Variants in ADAM7 observed in about 807,000 individuals in gnomAD.
ADAM7 encodes the protein ADAM metallopeptidase domain 7.
Under a neutral mutation model 102.9 loss-of-function variants are expected in ADAM7, and 97 were observed. That is an observed-to-expected ratio of 0.94 (90% CI 0.80 to 1.12). ADAM7 has a LOEUF of 1.12. Ranked by LOEUF, ADAM7 falls within the 50% of genes most tolerant of loss-of-function variation. The probability of loss-of-function intolerance (pLI) is 0.00; values close to 1 mark genes in which losing one functional copy is unlikely to be tolerated. For missense variants in ADAM7, 991 were observed against 908.7 expected (o/e 1.09, Z -1.16); for synonymous variants, 334 against 304.4 (o/e 1.10, Z -1.01).
chr8:24,458,780 A>G (rs1158718203), intron 3 of ADAM7, among the ~76,000 whole-genome samples: 1 of 152,126 alleles, frequency 6.6e-6, no homozygotes, highest in Non-Finnish European at 1.5e-5. Context: ...GTACCTGTAG[A>G]TTTGTCATTG....
At chr8:24,463,050 G>C (rs12541522) in intron 3 of ADAM7, among the ~76,000 whole-genome samples, 98,185 of 151,978 alleles carry the variant, frequency 0.65, 32,187 homozygotes, top group Middle Eastern at 0.7. Context: ...GGCCAATATA[G>C]CCTCGAATGC....
intron 3 of ADAM7, among the ~76,000 whole-genome samples, chr8:24,449,588 A>G (rs1264985972): frequency 6.6e-6 from 1 of 152,018 alleles, no homozygotes; most frequent in Non-Finnish European, 1.5e-5. Context: ...ATTTTCTCCC[A>G]TTTTGTAGGT....
intron 16 of ADAM7, among the ~76,000 whole-genome samples, chr8:24,496,670 G>A (rs1246961656): frequency 1.3e-5 from 2 of 152,204 alleles, no homozygotes; most frequent in East Asian, 3.9e-4. Flanking sequence ...CTGCCCTGCT[G>A]GATTCAGACT....
intron 20 of ADAM7, chr8:24,506,174 T>C: frequency 6.5e-7 from 1 of 1,533,824 alleles, no homozygotes; most frequent in Non-Finnish European, 8.8e-7. Flanking sequence ...CCCCTCCCCT[T>C]CCTCTTGGTG....
Position 24,493,147 on chromosome 8 carries a change from T to G in ADAM7, c.1760T>G (p.Val587Gly), listed in dbSNP as rs772365215. The G allele has an allele frequency of 6.2e-7, 1 of 1,613,450 alleles. No homozygotes were observed. The highest frequency in any genetic ancestry group is 8.5e-7 in the Non-Finnish European group (1 of 1,179,666). The change falls in exon 16 of 22, where the codon GTC (valine) becomes GGC (glycine). Residue 587 changes from valine to glycine, a missense_variant. Physicochemically the swap from Val to Gly is moderately radical, Grantham distance 109 (BLOSUM62 -3). Transcript: ENST00000175238. Reference sequence around the variant, plus strand: ...AAGGATCCCCAGAAGAATGCTACTGTCAAATGCAAAACTATTTTTTTATAC... The same window carrying G: ...AAGGATCCCCAGAAGAATGCTACTGGCAAATGCAAAACTATTTTTTTATAC... The part of the protein sequence containing the change: ...HLKDPQKNAT[V>G]KCKTIFLYHD...
chr8:24,479,072 T>C (rs905916942), intron 8 of ADAM7, among the ~76,000 whole-genome samples: 1 of 152,098 alleles, frequency 6.6e-6, no homozygotes, highest in Non-Finnish European at 1.5e-5. Flanking sequence ...TTTAGGCTTT[T>C]ATTGAGAGCC....
At chr8:24,470,783 A>C (rs1229397629) in intron 7 of ADAM7, among the ~76,000 whole-genome samples, 1 of 152,236 alleles carries the variant, frequency 6.6e-6, no homozygotes, top group Non-Finnish European at 1.5e-5. Context: ...GCTTGATAAT[A>C]ATAAAAAACA....
chr8:24,481,341 T>C (rs1819944913), intron 8 of ADAM7, among the ~76,000 whole-genome samples: 1 of 152,212 alleles, frequency 6.6e-6, no homozygotes, highest in Non-Finnish European at 1.5e-5. Context: ...ACACTTCTTA[T>C]TGACTAGTTA....
At chr8:24,501,184 T>C (rs1820747767) in intron 19 of ADAM7, among the ~76,000 whole-genome samples, 1 of 152,150 alleles carries the variant, frequency 6.6e-6, no homozygotes, top group Non-Finnish European at 1.5e-5. Flanking sequence ...AGCATTAGTA[T>C]TTTAAAAATC....
intron 1 of ADAM7, 90 bp from the exon 2 acceptor site, chr8:24,442,383 A>G: frequency 2.2e-6 from 2 of 890,428 alleles, no homozygotes; most frequent in Non-Finnish European, 3.8e-6. Flanking sequence ...ACTGGGGGCA[A>G]ATGAACTGTA....
At chr8:24,506,495 T>C (rs115380732) in intron 20 of ADAM7, among the ~76,000 whole-genome samples, 2,267 of 152,160 alleles carry the variant, frequency 0.015, 59 homozygotes, top group African/African-American at 0.052. Flanking sequence ...ACAAAATTTA[T>C]CTTAATTACT....
intron 3 of ADAM7, among the ~76,000 whole-genome samples, chr8:24,454,949 C>G (rs114475414): frequency 6.6e-6 from 1 of 152,024 alleles, no homozygotes; most frequent in Non-Finnish European, 1.5e-5. Flanking sequence ...ATTTTCTGTT[C>G]GCTATAATAA....
intron 10 of ADAM7, among the ~76,000 whole-genome samples, chr8:24,486,951 A>C (rs964548381): frequency 6.6e-6 from 1 of 152,342 alleles, no homozygotes; most frequent in East Asian, 1.9e-4. Flanking sequence ...CCATGCCACA[A>C]AGAAAGAATT....
chr8:24,506,023 A>G, intron 20 of ADAM7: 1 of 1,172,126 alleles, frequency 8.5e-7, no homozygotes, highest in Non-Finnish European at 1.2e-6. Context: ...CAAGAATATT[A>G]TGTCTGGGTC....
Position 24,465,759 on chromosome 8 carries a change from A to G in ADAM7, c.373A>G (p.Thr125Ala), listed in dbSNP as rs376045894. The G allele has an allele frequency of 1.7e-5, 28 of 1,609,772 alleles. No homozygotes were observed. Among genetic ancestry groups the G allele is most frequent in the Non-Finnish European group, 2.3e-5 (27 of 1,177,926 alleles). ...ATATGATTCAGCTGCCAGTATCAGT[A>G]CGTGTAATGGTCTAAGGTAATGCAG... ...HEYDSAASIS[T>A]CNGLRGFFRI... The change falls in exon 5 of 22, where the codon ACG (threonine) becomes GCG (alanine). Residue 125 changes from threonine to alanine, a missense_variant. By Grantham distance (58) the Thr-to-Ala change is moderately conservative (BLOSUM62 0). Transcript: ENST00000175238.
At chr8:24,446,875 CTA>C (rs2076829604) in intron 2 of ADAM7, among the ~76,000 whole-genome samples, 1 of 147,958 alleles carries the variant, frequency 6.8e-6, no homozygotes, top group African/African-American at 2.5e-5. Context: ...TTATAACATG[CTA>C]TGTTATAATA....
At chr8:24,467,167 T>G in intron 6 of ADAM7, 179 bp downstream of exon 6, 2 of 621,748 alleles carry the variant, frequency 3.2e-6, no homozygotes. Flanking sequence ...GTTTATTTCA[T>G]AGAGTTTGTT....
intron 1 of ADAM7, among the ~76,000 whole-genome samples, chr8:24,441,926 C>A (rs1818387623): frequency 6.6e-6 from 1 of 152,144 alleles, no homozygotes; most frequent in African/African-American, 2.4e-5. Context: ...GTAATCCCAG[C>A]ACTTTGGGAG....
chr8:24,447,209 G>A lies in ADAM7; in HGVS notation c.180G>A (p.Leu60=). The A allele has an allele frequency of 1.3e-6, 2 of 1,553,650 alleles. No homozygotes were observed. The highest frequency in any genetic ancestry group is 1.8e-6 in the Non-Finnish European group (2 of 1,138,846). The part of the protein sequence containing the change: ...DILKTYEEEL[L]YEIKLNRKTL... ...AGAAAACGTATGAAGAAGAATTGTT[G>A]TATGAAATAAAACTAAATAGAAAAA... Residue 60 remains leucine, a synonymous_variant, in exon 3 of 22, where the codon TTG becomes TTA. Coordinates refer to ENST00000175238, the MANE Select transcript of ADAM7 (RefSeq NM_003817.4).
Sources: gnomAD v4.1 joint callset for allele counts (sites outside exome capture counted in the v4.1 genomes callset) on GRCh38, gnomAD v4.1.1 for gene constraint, MANE v1.5 for transcripts, NCBI Gene and HGNC (gene_info 2026-07-23, HGNC 2026-07-21) for gene names.